SREBF2: variants seen among roughly 807,000 people sequenced by gnomAD.
SREBF2 encodes sterol regulatory element-binding protein 2.
Under a neutral mutation model 113.1 loss-of-function variants are expected in SREBF2, and 55 were observed. That is an observed-to-expected ratio of 0.49 (90% CI 0.39 to 0.61). The LOEUF (loss-of-function observed/expected upper bound fraction) is 0.61. Among genes scored for constraint, SREBF2 ranks in the 20% least tolerant of loss-of-function variants. SREBF2 has a pLI of 0.00. For missense variants in SREBF2, 1,349 were observed against 1,487.4 expected (o/e 0.91, Z 1.53); for synonymous variants, 593 against 605.7 (o/e 0.98, Z 0.31).
At chr22:41,858,473 G>T (rs1403735346) in intron 1 of SREBF2, among the ~76,000 whole-genome samples, 1 of 152,118 alleles carries the variant, frequency 6.6e-6, no homozygotes, top group Admixed American at 6.5e-5. Context: ...AAAACACGGA[G>T]TGGGCATGTT....
chr22:41,850,933 G>A (rs1187154301), intron 1 of SREBF2, among the ~76,000 whole-genome samples: 1 of 152,082 alleles, frequency 6.6e-6, no homozygotes, highest in East Asian at 1.9e-4. Flanking sequence ...TAGAGATGGG[G>A]TTTCACCATG....
intron 1 of SREBF2, among the ~76,000 whole-genome samples, chr22:41,852,568 A>G (rs1458930198): frequency 6.6e-6 from 1 of 151,912 alleles, no homozygotes; most frequent in Non-Finnish European, 1.5e-5. Context: ...CCTACAGGCC[A>G]TGGGAGATGA....
In SREBF2 at chr22:41,875,342, C is replaced by T. The variant is rs1269181722; in HGVS notation, c.1095C>T (p.His365=). 1.2e-6 allele frequency: 2 copies of T among 1,613,856 alleles called. No individual in the cohort carries two copies. The highest frequency in any genetic ancestry group is 1.7e-6 in the Non-Finnish European group (2 of 1,179,714). The change falls in exon 6 of 19, where the codon CAC becomes CAT. Residue 365 remains histidine, a synonymous_variant. Coordinates refer to ENST00000361204, the MANE Select transcript of SREBF2 (RefSeq NM_004599.4). ...TCACTCATCTTCCTACCCAGATGCA[C>T]AAGTCTGGCGTTCTGAGGAAGGCCA... is the stretch of plus-strand genomic sequence containing the variant. ...DLVMGTDAKM[H]KSGVLRKAID... is the part of the protein sequence containing the mutation.
chr22:41,893,402 G>A (rs893016580), intron 12 of SREBF2, 117 bp downstream of exon 12: 40 of 830,938 alleles, frequency 4.8e-5, no homozygotes, highest in South Asian at 8.7e-5. Flanking sequence ...TGTTGAGTCC[G>A]TTTGTTTGTT....
chr22:41,903,303 C>T, intron 17 of SREBF2, 148 bp downstream of exon 17: 1 of 949,230 alleles, frequency 1.1e-6, no homozygotes, highest in Non-Finnish European at 1.6e-6. Flanking sequence ...GGCTCGTGCC[C>T]AACACTGGGC....
In SREBF2 at chr22:41,833,234, C is replaced by T. The variant is rs1311996660; in HGVS notation, c.-37C>T. The T allele has an allele frequency of 6.0e-6, 9 of 1,493,984 alleles. No homozygotes were observed. The highest frequency in any genetic ancestry group is 8.1e-6 in the Non-Finnish European group (9 of 1,117,862). 92.5% of individuals were successfully genotyped at this position (1,493,984 alleles called of 1,614,324 possible). On this transcript the variant is annotated 5_prime_UTR_variant, in exon 1 of 19. Transcript: ENST00000361204. This position sits in a 1 kb window ranked among gnomAD's most constrained non-coding sequence, Gnocchi z 4.1. ...GGCACCGCCCCCGCGTCTCCCTGAGCGGGACGGCAGGGGGGGCTTCTGCGC... is the reference window on the plus strand; with the variant it reads ...GGCACCGCCCCCGCGTCTCCCTGAGTGGGACGGCAGGGGGGGCTTCTGCGC...
chr22:41,858,846 A>T lies in SREBF2; in HGVS notation c.89-7985A>T, dbSNP rs182084592. ...AAAAAAAGGAAAAGATTTATTTTTT[A>T]AAAAAGATAGGGACCTGCCGGGCAC... On this transcript the variant is annotated intron_variant, in intron 1 of 18. Coordinates refer to ENST00000361204, the MANE Select transcript of SREBF2 (RefSeq NM_004599.4). Among the ~76,000 whole-genome samples, 15 of 152,278 alleles carry T rather than the reference A, an allele frequency of 9.9e-5. No individual in the cohort carries two copies. The East Asian group carries it at 1.7e-3, about 18-fold the overall frequency.
At chr22:41,858,929 G>A (rs968059464) in intron 1 of SREBF2, among the ~76,000 whole-genome samples, 1 of 152,096 alleles carries the variant, frequency 6.6e-6, no homozygotes, top group Non-Finnish European at 1.5e-5. Context: ...GGATCACGAG[G>A]TCAGGGGTTC....
At chr22:41,885,583 C>T (rs9623469) in intron 11 of SREBF2, 15,666 of 165,182 alleles carry the variant, frequency 0.095, 1,263 homozygotes, top group African/African-American at 0.23. Context: ...GGCTATCAAG[C>T]ACCTCCCATA....
At chr22:41,862,265 T>C (rs2077034367) in intron 1 of SREBF2, among the ~76,000 whole-genome samples, 1 of 152,308 alleles carries the variant, frequency 6.6e-6, no homozygotes, top group South Asian at 2.1e-4. Context: ...TTGTGAGTCA[T>C]GGGGCTGCTT....
intron 1 of SREBF2, among the ~76,000 whole-genome samples, chr22:41,843,635 G>A (rs141902713): frequency 4.6e-5 from 7 of 152,078 alleles, no homozygotes; most frequent in Non-Finnish European, 8.8e-5. Flanking sequence ...ATGTAAGCAG[G>A]CTTCTAAGTT....
chr22:41,875,706 T>G lies in SREBF2; in HGVS notation c.1368T>G (p.Pro456=). ...CCATTGACTCTGAGCCAGGAAGCCC[T>G]CTATTGGATGATGCAAAGGTACAGA... ...PYSIDSEPGS[P]LLDDAKVKDE... The change falls in exon 7 of 19, where the codon CCT becomes CCG. Residue 456 remains proline, a synonymous_variant. Transcript: ENST00000361204. 3.1e-6 allele frequency: 5 copies of G among 1,614,162 alleles called. No homozygotes were observed. The highest frequency in any genetic ancestry group is 4.2e-6 in the Non-Finnish European group (5 of 1,180,026).
chr22:41,868,707 T>C lies in SREBF2; in HGVS notation c.635T>C (p.Leu212Pro), dbSNP rs1034299504. The change falls in exon 3 of 19, where the codon CTG becomes CCG. Residue 212 changes from leucine to proline, a missense_variant. By Grantham distance (98) the Leu-to-Pro change is moderately conservative (BLOSUM62 -3). Coordinates refer to ENST00000361204, the MANE Select transcript of SREBF2 (RefSeq NM_004599.4). Reference protein sequence around the residue: ...QVQTVQAQRVLTQTANGTLQT... With the variant: ...QVQTVQAQRVPTQTANGTLQT... ...CAGACAGTACAGGCCCAGCGGGTGC[T>C]GACACAAACGGCCAATGGCACGCTG... 3 of 1,614,098 alleles carry C rather than the reference T, an allele frequency of 1.9e-6. No homozygotes were observed. The highest frequency in any genetic ancestry group is 2.5e-6 in the Non-Finnish European group (3 of 1,180,058).
At position 41,906,054 on chromosome 22, in the gene SREBF2, G is replaced by T. The variant is rs2077506002; in HGVS notation, c.*394G>T. 1 of 471,392 alleles carries T rather than the reference G, an allele frequency of 2.1e-6. No individual in the cohort carries two copies. The highest frequency in any genetic ancestry group is 4.2e-6 in the Non-Finnish European group (1 of 237,548). The allele number at this position is 471,392 out of a possible 1,614,324, so 29.2% of individuals were successfully genotyped here. ...GGGGACAGCAGTCTCTGAGCACCAGGGAGCAGTTGCCCTCAGGCCTGTGCC... is the reference window on the plus strand; with the variant it reads ...GGGGACAGCAGTCTCTGAGCACCAGTGAGCAGTTGCCCTCAGGCCTGTGCC... On this transcript the variant is annotated 3_prime_UTR_variant, in exon 19 of 19. Transcript: ENST00000361204.
intron 15 of SREBF2, chr22:41,899,889 C>T (rs1015054249): frequency 4.7e-6 from 5 of 1,071,666 alleles, no homozygotes; most frequent in Non-Finnish European, 5.7e-6. Context: ...CATCCCTAGC[C>T]TCCCCTTCCA....
At chr22:41,873,705 C>T in intron 4 of SREBF2, 93 bp from the exon 5 acceptor site, 1 of 1,305,048 alleles carries the variant, frequency 7.7e-7, no homozygotes, top group African/African-American at 1.5e-5. Context: ...CCAGGTCTGG[C>T]AGCACTTGGC....
chr22:41,856,092 T>G (rs943707736), intron 1 of SREBF2, among the ~76,000 whole-genome samples: 3 of 151,884 alleles, frequency 2.0e-5, no homozygotes, highest in Non-Finnish European at 4.4e-5. Context: ...CATATAACGT[T>G]TTTTTTTGGT....
Position 41,889,720 on chromosome 22 carries a change from G to T in SREBF2, c.2209-3397G>T, listed in dbSNP as rs572355241. On this transcript the variant is annotated intron_variant, in intron 11 of 18. Coordinates refer to ENST00000361204, the MANE Select transcript of SREBF2 (RefSeq NM_004599.4). Reference sequence around the variant, plus strand: ...CTCTATTAAAAAAAAAAAAAAAGAGGTTGGGCACGGTGGCTCATACCTGTA... The same window carrying T: ...CTCTATTAAAAAAAAAAAAAAAGAGTTTGGGCACGGTGGCTCATACCTGTA... Among the ~76,000 whole-genome samples the T allele has an allele frequency of 4.1e-5, 6 of 147,630 alleles. 1 individual carries two copies. In the South Asian group the frequency reaches 1.1e-3, roughly 26 times the overall value.
At chr22:41,839,763 A>G (rs564192646) in intron 1 of SREBF2, among the ~76,000 whole-genome samples, 22 of 151,718 alleles carry the variant, frequency 1.5e-4, no homozygotes, top group Non-Finnish European at 2.5e-4. Context: ...TGTTTTATCT[A>G]CTCTTCAGTT....
Sources: allele counts gnomAD v4.1 joint callset (sites outside exome capture counted in the v4.1 genomes callset), GRCh38; gene constraint gnomAD v4.1.1; non-coding constraint Gnocchi (gnomAD v3.1); transcripts MANE v1.5; gene names NCBI Gene and HGNC (gene_info 2026-07-23, HGNC 2026-07-21).